The following ARCN1 variants were observed in gnomAD, a reference collection of about 807,000 sequenced individuals.
The protein encoded by ARCN1 is archain 1 coat protein complex I subunit delta, also known as coatomer subunit delta.
A neutral mutation model predicts 60.4 loss-of-function variants in ARCN1; 5 were observed. The observed-to-expected ratio is 0.08, with a 90% CI of 0.04 to 0.17. The LOEUF (loss-of-function observed/expected upper bound fraction) is 0.17, where lower values mean the gene tolerates loss of function less well. Ranked by LOEUF, ARCN1 falls within the 10% of genes least tolerant of loss-of-function variation. The pLI, the probability that ARCN1 is intolerant of heterozygous loss-of-function variation, is 1.00. For synonymous variants in ARCN1, 224 were observed against 220.0 expected, an observed-to-expected ratio of 1.02 and a Z score of -0.16; for missense variants, 464 against 626.5, an observed-to-expected ratio of 0.74 and a Z score of 2.77.
intron 1 of ARCN1, among the ~76,000 whole-genome samples, chr11:118,578,910 A>T: frequency 6.9e-6 from 1 of 145,660 alleles, no homozygotes; most frequent in African/African-American, 2.5e-5. Flanking sequence ...TTTTTTTAAT[A>T]AAAAAAGAAA....
intron 8 of ARCN1, among the ~76,000 whole-genome samples, chr11:118,594,289 G>A (rs781874061): frequency 3.3e-5 from 5 of 152,000 alleles, no homozygotes; most frequent in African/African-American, 7.3e-5. Context: ...TTGTAGGGAC[G>A]GAGTTTTGCT....
At chr11:118,591,665 G>A (rs538065029) in intron 6 of ARCN1, among the ~76,000 whole-genome samples, 2 of 151,082 alleles carry the variant, frequency 1.3e-5, no homozygotes, top group South Asian at 2.1e-4. Context: ...TGTTGGGATT[G>A]TAGTCATGAG....
intron 5 of ARCN1, among the ~76,000 whole-genome samples, chr11:118,587,474 T>C (rs1436201314): frequency 1.3e-5 from 2 of 152,226 alleles, no homozygotes; most frequent in Admixed American, 1.3e-4. Flanking sequence ...AATCTCCTTA[T>C]TTGAAACTGC....
rs911922332 is a variant in ARCN1, at chr11:118,602,660, T to A, written c.*1946T>A. ...GCTTGGTTTCCACATGAGGTTTTTC[T>A]GAGAAGGGCTTGGGACAAGAAGTCT... is the stretch of plus-strand genomic sequence containing the variant. On this transcript the variant is annotated 3_prime_UTR_variant, in exon 10 of 10. Transcript: ENST00000264028. The A allele has an allele frequency of 2.0e-5, 3 of 153,774 alleles. No individual in the cohort carries two copies. The South Asian group carries it at 6.2e-4, about 32-fold the overall frequency. The allele number at this position is 153,774 out of a possible 1,614,324, so 9.5% of individuals were successfully genotyped here.
At position 118,583,150 on chromosome 11, in the gene ARCN1, C is replaced by G. The variant is rs782286891; in HGVS notation, c.268-29C>G. Reference sequence around the variant, plus strand: ...ATATAGCTGCTGATAAATTCTAAATCTTTCTTTTTTATTGGTGTCCACGCT... The same window carrying G: ...ATATAGCTGCTGATAAATTCTAAATGTTTCTTTTTTATTGGTGTCCACGCT... On this transcript the variant is annotated intron_variant, in intron 2 of 9. Coordinates refer to ENST00000264028, the MANE Select transcript of ARCN1 (RefSeq NM_001655.5). 9 of 1,608,998 alleles carry G rather than the reference C, an allele frequency of 5.6e-6. No individual in the cohort carries two copies. The Admixed American group carries it at 1.3e-4, about 24-fold the overall frequency.
chr11:118,580,770 G>T (rs1241395079), intron 1 of ARCN1, among the ~76,000 whole-genome samples: 8 of 152,050 alleles, frequency 5.3e-5, no homozygotes, highest in Non-Finnish European at 1.0e-4. Flanking sequence ...TAATCCACTC[G>T]CTTTGGCCTC....
chr11:118,595,911 CA>C (rs1183068419), intron 8 of ARCN1, among the ~76,000 whole-genome samples: 118 of 152,180 alleles, frequency 7.8e-4, no homozygotes, highest in African/African-American at 2.7e-3. Context: ...ACTAAAAATA[CA>C]AAAAATTAGC....
At position 118,602,412 on chromosome 11, in the gene ARCN1, G is replaced by A. The variant is rs1939167649; in HGVS notation, c.*1698G>A. 6.5e-6 allele frequency: 1 copy of A among 153,818 alleles called. No individual in the cohort carries two copies. The allele number at this position is 153,818 out of a possible 1,614,324, so 9.5% of individuals were successfully genotyped here. On this transcript the variant is annotated 3_prime_UTR_variant, in exon 10 of 10. Transcript: ENST00000264028. ...GGTTAAAAGTTGCTGCAAGGCTGCA[G>A]GCACTGGCAGTGGGAAGAGGCAGAC...
At chr11:118,590,227 T>C in intron 5 of ARCN1, 114 bp from the exon 6 acceptor site, 1 of 726,082 alleles carries the variant, frequency 1.4e-6, no homozygotes, top group South Asian at 1.9e-5. Flanking sequence ...ACTCCCCACC[T>C]CAGGTGATCT....
rs544079707 is a variant in ARCN1, at chr11:118,576,833, A to G, written c.3+4283A>G. Among the ~76,000 whole-genome samples, 156 of 152,138 alleles carry G rather than the reference A, an allele frequency of 1.0e-3. 1 individual carries two copies. Among genetic ancestry groups the G allele is most frequent in the African/African-American group, 3.7e-3 (154 of 41,498 alleles). ...TTGCTTGTATCTGGATAATGGAATGACTCAAAGAGAGACATATGATTTTAC... is the reference window on the plus strand; with the variant it reads ...TTGCTTGTATCTGGATAATGGAATGGCTCAAAGAGAGACATATGATTTTAC... On this transcript the variant is annotated intron_variant, in intron 1 of 9. Coordinates refer to ENST00000264028, the MANE Select transcript of ARCN1 (RefSeq NM_001655.5).
At chr11:118,597,627 A>G (rs1355816083) in intron 8 of ARCN1, 80 bp from the exon 9 acceptor site, 15 of 1,493,406 alleles carry the variant, frequency 1.0e-5, no homozygotes, top group African/African-American at 6.9e-5. Flanking sequence ...TGGGGATCAT[A>G]TATCAAATTT....
intron 5 of ARCN1, 131 bp downstream of exon 5, chr11:118,584,775 G>C: frequency 1.1e-6 from 1 of 871,946 alleles, no homozygotes; most frequent in East Asian, 3.0e-5. Context: ...GATTTATTCA[G>C]AGCAGATTCT....
intron 5 of ARCN1, among the ~76,000 whole-genome samples, chr11:118,588,452 C>G (rs1046216958): frequency 6.6e-6 from 1 of 152,100 alleles, no homozygotes; most frequent in African/African-American, 2.4e-5. Context: ...TGGATGAAAA[C>G]CGGTATGTAT....
intron 8 of ARCN1, among the ~76,000 whole-genome samples, chr11:118,594,961 T>C (rs575403906): frequency 6.6e-6 from 1 of 152,358 alleles, no homozygotes; most frequent in African/African-American, 2.4e-5. Context: ...GCGATTCTCG[T>C]GCCTCAGTCT....
intron 6 of ARCN1, among the ~76,000 whole-genome samples, chr11:118,592,256 A>C (rs1938928651): frequency 6.6e-6 from 1 of 152,208 alleles, no homozygotes; most frequent in Non-Finnish European, 1.5e-5. Context: ...TTAAGTCTCT[A>C]GGCAAAATTG....
At chr11:118,574,514 A>G (rs1344268405) in intron 1 of ARCN1, among the ~76,000 whole-genome samples, 3 of 152,162 alleles carry the variant, frequency 2.0e-5, no homozygotes, top group Non-Finnish European at 4.4e-5. Flanking sequence ...ATATTTTATC[A>G]TGCATCTAAT....
At chr11:118,596,367 C>G (rs532154771) in intron 8 of ARCN1, among the ~76,000 whole-genome samples, 2 of 152,174 alleles carry the variant, frequency 1.3e-5, no homozygotes, top group South Asian at 2.1e-4. Flanking sequence ...TGAGGCCTGT[C>G]TACCCTATAA....
chr11:118,592,670 A>G (rs781888214), intron 6 of ARCN1, 39 bp from the exon 7 acceptor site: 119 of 1,587,108 alleles, frequency 7.5e-5, no homozygotes, highest in Admixed American at 4.4e-4. Context: ...TTTCTCGTCT[A>G]TCTGAACCTC....
At chr11:118,582,217 A>C (rs1938672407) in intron 2 of ARCN1, among the ~76,000 whole-genome samples, 1 of 151,972 alleles carries the variant, frequency 6.6e-6, no homozygotes, top group Non-Finnish European at 1.5e-5. Flanking sequence ...ATCTCGGCTC[A>C]CTGCAACCTC....
Sources: allele counts gnomAD v4.1 joint callset (sites outside exome capture counted in the v4.1 genomes callset), GRCh38; gene constraint gnomAD v4.1.1; transcripts MANE v1.5; gene names NCBI Gene and HGNC (gene_info 2026-07-23, HGNC 2026-07-21).